MARCHF4: variants seen among roughly 807,000 people sequenced by gnomAD.
The protein encoded by MARCHF4 is membrane associated ring-CH-type finger 4.
MARCHF4 carries 14 observed loss-of-function variants against 43.9 expected under a neutral mutation model. The ratio of observed to expected loss-of-function variants is 0.32; its 90% confidence interval spans 0.21 to 0.50. The LOEUF is 0.50. Ranked by LOEUF, MARCHF4 falls within the 20% of genes least tolerant of loss-of-function variation. MARCHF4 has a pLI of 0.98. For missense variants in MARCHF4, 468 were observed against 536.7 expected (o/e 0.87, Z 1.27); for synonymous variants, 226 against 213.3 (o/e 1.06, Z -0.52).
chr2:216,355,529 G>A (rs1004606601), intron 1 of MARCHF4, among the ~76,000 whole-genome samples: 13 of 152,134 alleles, frequency 8.5e-5, no homozygotes, highest in African/African-American at 3.1e-4. Context: ...AAATTAGGAG[G>A]AACCTTTCTC....
intron 3 of MARCHF4, among the ~76,000 whole-genome samples, chr2:216,260,642 A>G (rs1035128248): frequency 6.6e-6 from 1 of 152,186 alleles, no homozygotes; most frequent in Admixed American, 6.5e-5. Context: ...GCAGTGAGGA[A>G]GTGGAGGGAG....
Position 216,370,336 on chromosome 2 carries a change from T to C in MARCHF4, c.-76A>G, listed in dbSNP as rs1692739889. The C allele has an allele frequency of 2.9e-6, 4 of 1,365,104 alleles. No homozygotes were observed. The highest frequency in any genetic ancestry group is 1.9e-6 in the Non-Finnish European group (2 of 1,036,780). The allele number at this position is 1,365,104 out of a possible 1,614,324, so 84.6% of individuals were successfully genotyped here. A position where few individuals can be genotyped will look rare whatever the true frequency, so the allele number is the denominator to read the frequency against. On this transcript the variant is annotated 5_prime_UTR_variant, in exon 1 of 4. Coordinates refer to ENST00000273067, the MANE Select transcript of MARCHF4 (RefSeq NM_020814.3). ...AGGGGGACAGGACAGGTTTTGGGGG[T>C]CCACAGTGGATCTGTGTTGTGGGGG...
At position 216,283,745 on chromosome 2, in the gene MARCHF4, A is replaced by C; in HGVS notation, c.517-16T>G. ...GCAGCTCCCCCTGCAGGGAGAGAGC[A>C]CAGGGTGATGAGGCTGAGACCTACA... On this transcript the variant is annotated splice_polypyrimidine_tract_variant and intron_variant, in intron 1 of 3. Transcript: ENST00000273067. 1 of 1,591,344 alleles carries C rather than the reference A, an allele frequency of 6.3e-7. No homozygotes were observed. The highest frequency in any genetic ancestry group is 8.6e-7 in the Non-Finnish European group (1 of 1,163,402).
chr2:216,360,980 A>G (rs1692568003), intron 1 of MARCHF4, among the ~76,000 whole-genome samples: 1 of 152,112 alleles, frequency 6.6e-6, no homozygotes, highest in Non-Finnish European at 1.5e-5. Flanking sequence ...GTACCTGGCC[A>G]AAGTATGGGA....
At chr2:216,260,892 G>T (rs1324160903) in intron 3 of MARCHF4, among the ~76,000 whole-genome samples, 1 of 152,206 alleles carries the variant, frequency 6.6e-6, no homozygotes, top group Admixed American at 6.5e-5. Flanking sequence ...ATTGACTAGG[G>T]TCATGGTGGT....
At chr2:216,332,113 G>A (rs558411689) in intron 1 of MARCHF4, among the ~76,000 whole-genome samples, 6 of 152,218 alleles carry the variant, frequency 3.9e-5, no homozygotes, top group South Asian at 4.1e-4. Context: ...ATTTGGGGCC[G>A]GGCACAGTGG....
At chr2:216,296,076 G>A (rs1019271523) in intron 1 of MARCHF4, among the ~76,000 whole-genome samples, 2 of 152,254 alleles carry the variant, frequency 1.3e-5, no homozygotes, top group Admixed American at 6.5e-5. Flanking sequence ...AACCTGGGAG[G>A]TGGAGGTTGC....
At position 216,372,381 on chromosome 2, in the gene MARCHF4, C is replaced by T. The variant is rs1387070326; in HGVS notation, c.-2121G>A. On this transcript the variant is annotated 5_prime_UTR_variant, in exon 1 of 4. Coordinates refer to ENST00000273067, the MANE Select transcript of MARCHF4 (RefSeq NM_020814.3). ...TCCCACCCAGACCCCGCGCGTCACG[C>T]TCGTGGGGGCCTGACGCAGACGCCG... Among the ~76,000 whole-genome samples, 1 of 152,168 alleles carries T rather than the reference C, an allele frequency of 6.6e-6. No homozygotes were observed. The highest frequency in any genetic ancestry group is 1.5e-5 in the Non-Finnish European group (1 of 68,008).
intron 1 of MARCHF4, among the ~76,000 whole-genome samples, chr2:216,295,983 TA>T (rs1374891654): frequency 6.6e-6 from 1 of 152,074 alleles, no homozygotes; most frequent in Non-Finnish European, 1.5e-5. Flanking sequence ...CTGTTTCTAC[TA>T]AAAATAGAAA....
chr2:216,287,269 G>A (rs1156300655), intron 1 of MARCHF4, among the ~76,000 whole-genome samples: 1 of 152,122 alleles, frequency 6.6e-6, no homozygotes, highest in African/African-American at 2.4e-5. Context: ...CAATTAAGGC[G>A]TGCTTACTAA....
chr2:216,332,443 G>A (rs534057469), intron 1 of MARCHF4, among the ~76,000 whole-genome samples: 6 of 149,030 alleles, frequency 4.0e-5, no homozygotes, highest in African/African-American at 7.4e-5. Context: ...CTAAAAACCC[G>A]AAACCCCCCA....
intron 1 of MARCHF4, among the ~76,000 whole-genome samples, chr2:216,342,092 G>A (rs180780563): frequency 6.6e-6 from 1 of 152,206 alleles, no homozygotes. Flanking sequence ...GATCTGAAGT[G>A]TGTATGTGTG....
chr2:216,356,137 C>T (rs1692498572), intron 1 of MARCHF4, among the ~76,000 whole-genome samples: 1 of 152,246 alleles, frequency 6.6e-6, no homozygotes, highest in Non-Finnish European at 1.5e-5. Flanking sequence ...TGTGCGAAGG[C>T]ACTTTTTTGG....
chr2:216,259,419 G>A lies in MARCHF4; in HGVS notation c.1126C>T (p.His376Tyr), dbSNP rs764897349. The change falls in exon 4 of 4, where the codon CAC (histidine) becomes TAC (tyrosine). Residue 376 changes from histidine to tyrosine, a missense_variant. By Grantham distance (83) the His-to-Tyr change is moderately conservative. Transcript: ENST00000273067. ...GHPSGPLSHH[H>Y]CAYTILHILS... ...ATGTGCAGGATGGTATAAGCACAGTGGTGATGGGACAGAGGGCCTGAGGGG... is the reference window on the plus strand; with the variant it reads ...ATGTGCAGGATGGTATAAGCACAGTAGTGATGGGACAGAGGGCCTGAGGGG... 2 of 1,613,994 alleles carry A rather than the reference G, an allele frequency of 1.2e-6. No individual in the cohort carries two copies. The highest frequency in any genetic ancestry group is 3.3e-5 in the Admixed American group (2 of 60,022).
chr2:216,262,191 G>A (rs1488799402), intron 3 of MARCHF4, among the ~76,000 whole-genome samples: 3 of 152,212 alleles, frequency 2.0e-5, no homozygotes, highest in Non-Finnish European at 4.4e-5. Flanking sequence ...CGGAAAGTAG[G>A]AGTGTGAATT....
At chr2:216,295,755 G>C (rs1200407229) in intron 1 of MARCHF4, among the ~76,000 whole-genome samples, 51 of 152,228 alleles carry the variant, frequency 3.4e-4, no homozygotes, top group Non-Finnish European at 1.5e-5. Context: ...ATTTGCCTGG[G>C]AGCCTAGATC....
At chr2:216,265,373 G>A (rs568107319) in intron 3 of MARCHF4, 2 of 152,168 alleles carry the variant, frequency 1.3e-5, no homozygotes, top group Non-Finnish European at 2.9e-5. Flanking sequence ...TCCACCTTCC[G>A]GGGCTCCTCT....
At chr2:216,342,264 G>A (rs946850409) in intron 1 of MARCHF4, among the ~76,000 whole-genome samples, 6 of 152,198 alleles carry the variant, frequency 3.9e-5, no homozygotes, top group African/African-American at 4.8e-5. Context: ...TCCTCACAAC[G>A]ACCCACCAGG....
chr2:216,284,483 T>C (rs1376487345), intron 1 of MARCHF4, among the ~76,000 whole-genome samples: 1 of 152,188 alleles, frequency 6.6e-6, no homozygotes, highest in Non-Finnish European at 1.5e-5. Context: ...TTGTTGTTTT[T>C]GGAACAGGAT....
Sources: gnomAD v4.1 joint callset for allele counts (sites outside exome capture counted in the v4.1 genomes callset) on GRCh38, gnomAD v4.1.1 for gene constraint, MANE v1.5 for transcripts, NCBI Gene and HGNC (gene_info 2026-07-23, HGNC 2026-07-21) for gene names.